Variants in ARHGAP42 observed in about 807,000 individuals in gnomAD.
ARHGAP42 encodes the protein Rho GTPase activating protein 42, also known as rho GTPase-activating protein 42.
Under a neutral mutation model 125.0 loss-of-function variants are expected in ARHGAP42, and 63 were observed. The observed-to-expected ratio is 0.50, with a 90% CI of 0.41 to 0.62. The LOEUF is 0.62. Among genes scored for constraint, ARHGAP42 ranks in the 20% least tolerant of loss-of-function variants. The probability of loss-of-function intolerance (pLI) is 0.00; values close to 1 mark genes in which losing one functional copy is unlikely to be tolerated. For missense variants in ARHGAP42, 766 were observed against 1,024.2 expected (o/e 0.75, Z 3.44); for synonymous variants, 339 against 351.0 (o/e 0.97, Z 0.38).
chr11:100,936,140 T>A, intron 7 of ARHGAP42, 63 bp from the exon 8 acceptor site: 3 of 1,531,102 alleles, frequency 2.0e-6, no homozygotes, highest in Non-Finnish European at 2.7e-6. Flanking sequence ...AAAATATTAG[T>A]CTGGATGTTG....
rs115341473 is a variant in ARHGAP42 at position 100,884,675 on chromosome 11, G to A, written c.384+25050G>A. Among the ~76,000 whole-genome samples, 417 of 152,042 alleles carry A rather than the reference G, an allele frequency of 2.7e-3. 4 individuals are homozygous for A. Among genetic ancestry groups the A allele is most frequent in the African/African-American group, 9.5e-3 (393 of 41,506 alleles). ...AGTTCAGCTGCTGTCTCCTGCCTCC[G>A]TGTCCCCCCAACCCCGTCCCACTAC... is the stretch of plus-strand genomic sequence containing the variant. On this transcript the variant is annotated intron_variant, in intron 4 of 23. Transcript: ENST00000298815.
At chr11:100,943,620 A>G (rs936052497) in intron 9 of ARHGAP42, 139 bp from the exon 10 acceptor site, 1 of 519,752 alleles carries the variant, frequency 1.9e-6, no homozygotes, top group Non-Finnish European at 3.3e-6. Flanking sequence ...CAGGAATAAA[A>G]AAAGACAGGG....
At chr11:100,933,319 G>A (rs1867637477) in intron 7 of ARHGAP42, 59 bp downstream of exon 7, 6 of 1,239,054 alleles carry the variant, frequency 4.8e-6, no homozygotes, top group South Asian at 1.6e-5. Flanking sequence ...ATTTCACAGG[G>A]CAACTAATTA....
At chr11:100,965,147 C>T (rs1858057857) in intron 16 of ARHGAP42, among the ~76,000 whole-genome samples, 1 of 152,056 alleles carries the variant, frequency 6.6e-6, no homozygotes, top group African/African-American at 2.4e-5. Context: ...AAGAGAACAG[C>T]ATAGGGTAAC....
chr11:100,961,835 G>A (rs541057025), intron 15 of ARHGAP42, 67 bp downstream of exon 15: 12 of 1,322,426 alleles, frequency 9.1e-6, no homozygotes, highest in African/African-American at 5.9e-5. Context: ...TAGTAACCAC[G>A]TGATTTCTTG....
At position 100,959,955 on chromosome 11, in the gene ARHGAP42, G is replaced by C; in HGVS notation, c.1225+10G>C. ...GCTGTGGAAACAAGAGGTCAGTGTT[G>C]CCTGATTGGTACAGCATCCCTGTCA... On this transcript the variant is annotated intron_variant, in intron 13 of 23. Transcript: ENST00000298815. 6.5e-7 allele frequency: 1 copy of C among 1,550,144 alleles called. No individual in the cohort carries two copies.
chr11:100,771,007 A>T (rs1219194065), intron 2 of ARHGAP42, among the ~76,000 whole-genome samples: 1 of 152,238 alleles, frequency 6.6e-6, no homozygotes, highest in Non-Finnish European at 1.5e-5. Flanking sequence ...GTTCAAACAA[A>T]TATATATTAG....
In ARHGAP42 at chr11:100,960,884, G is replaced by T. The variant is rs771879592; in HGVS notation, c.1226-31G>T. 4.3e-6 allele frequency: 6 copies of T among 1,405,334 alleles called. No individual in the cohort carries two copies. The South Asian group carries it at 9.1e-5, about 21-fold the overall frequency. 87.1% of individuals were successfully genotyped at this position (1,405,334 alleles called of 1,614,324 possible). ...CTGTACTTGCCAAGCTGTATCTCAA[G>T]CCGTTTTCTTGTGATTTTCCTTCCT... On this transcript the variant is annotated intron_variant, in intron 13 of 23. Coordinates refer to ENST00000298815, the MANE Select transcript of ARHGAP42 (RefSeq NM_152432.4).
intron 5 of ARHGAP42, among the ~76,000 whole-genome samples, chr11:100,916,789 A>T (rs1867078319): frequency 6.6e-6 from 1 of 152,206 alleles, no homozygotes; most frequent in Admixed American, 6.5e-5. Flanking sequence ...TTAAATATTG[A>T]TCCAAGATTC....
rs7111733 is a variant in ARHGAP42 at position 100,742,053 on chromosome 11, G to A, written c.155-28290G>A. Among the ~76,000 whole-genome samples, 1,398 of 152,192 alleles carry A rather than the reference G, an allele frequency of 9.2e-3. 16 individuals carry two copies. Among genetic ancestry groups the A allele is most frequent in the African/African-American group, 0.032 (1,318 of 41,502 alleles). ...GATCTAAATAGTCTTCTCCCCTTCC[G>A]TTTCCCCAAACTAGTTTCTACTCAT... On this transcript the variant is annotated intron_variant, in intron 1 of 23. Transcript: ENST00000298815.
chr11:100,811,832 G>T (rs755794635), intron 3 of ARHGAP42, among the ~76,000 whole-genome samples: 7 of 152,062 alleles, frequency 4.6e-5, no homozygotes, highest in Non-Finnish European at 7.4e-5. Context: ...TTCTGTGACT[G>T]TATACTTTGC....
At position 100,987,611 on chromosome 11, in the gene ARHGAP42, T is replaced by C; in HGVS notation, c.2536+19T>C. 1 of 1,546,740 alleles carries C rather than the reference T, an allele frequency of 6.5e-7. No homozygotes were observed. The highest frequency in any genetic ancestry group is 8.8e-7 in the Non-Finnish European group (1 of 1,142,584). ...TCTAATGGTAAGTATGTCAATTCCC[T>C]CTGCCTAAGTTTGTCATCATGGGGA... On this transcript the variant is annotated intron_variant, in intron 23 of 23. Transcript: ENST00000298815.
At chr11:100,958,386 A>C (rs1857862389) in intron 12 of ARHGAP42, among the ~76,000 whole-genome samples, 1 of 151,978 alleles carries the variant, frequency 6.6e-6, no homozygotes, top group South Asian at 2.1e-4. Context: ...GTATTCACTG[A>C]GTTCTGTTCT....
chr11:100,849,959 T>C (rs573671197), intron 3 of ARHGAP42, among the ~76,000 whole-genome samples: 3 of 152,328 alleles, frequency 2.0e-5, no homozygotes, highest in Admixed American at 2.0e-4. Flanking sequence ...TCTCAAACTT[T>C]AATTGGGTAG....
intron 1 of ARHGAP42, among the ~76,000 whole-genome samples, chr11:100,694,441 CTT>C (rs34158390): frequency 0.019 from 2,837 of 152,034 alleles, 79 homozygotes; most frequent in African/African-American, 0.065. Flanking sequence ...TCTAAAGTCA[CTT>C]TCATGAATGC....
At chr11:100,870,443 A>G (rs1446768274) in intron 4 of ARHGAP42, among the ~76,000 whole-genome samples, 1 of 152,184 alleles carries the variant, frequency 6.6e-6, no homozygotes, top group African/African-American at 2.4e-5. Context: ...CTGCAGAAGA[A>G]TTTGCTACAG....
intron 2 of ARHGAP42, among the ~76,000 whole-genome samples, chr11:100,790,342 GT>G (rs33913419): frequency 9.3e-5 from 14 of 150,666 alleles, no homozygotes; most frequent in East Asian, 2.0e-4. Context: ...TTCAGTAATA[GT>G]TTTTTTTTTT....
In ARHGAP42 at chr11:100,992,567, G is replaced by A. The variant is rs200387604; in HGVS notation, c.*3766G>A. On this transcript the variant is annotated 3_prime_UTR_variant, in exon 24 of 24. Transcript: ENST00000298815. ...CCTGTTGATTCGCAGATGTAATATCGAGTATTCATCAACTGGTCTCAATTT... is the reference window on the plus strand; with the variant it reads ...CCTGTTGATTCGCAGATGTAATATCAAGTATTCATCAACTGGTCTCAATTT... The A allele has an allele frequency of 2.2e-5, 35 of 1,613,840 alleles. No individual in the cohort carries two copies. The highest frequency in any genetic ancestry group is 2.7e-5 in the African/African-American group (2 of 74,888).
chr11:100,703,857 A>G (rs1417221242), intron 1 of ARHGAP42, among the ~76,000 whole-genome samples: 1 of 152,246 alleles, frequency 6.6e-6, no homozygotes, highest in African/African-American at 2.4e-5. Flanking sequence ...GCCAAACTGC[A>G]GATGACAGAA....
Sources: gnomAD v4.1 joint callset for allele counts (sites outside exome capture counted in the v4.1 genomes callset) on GRCh38, gnomAD v4.1.1 for gene constraint, MANE v1.5 for transcripts, NCBI Gene and HGNC (gene_info 2026-07-23, HGNC 2026-07-21) for gene names.